Variants in IGSF21 observed in about 807,000 individuals in gnomAD.
IGSF21 encodes the protein immunoglobin superfamily member 21.
A neutral mutation model predicts 46.8 loss-of-function variants in IGSF21; 28 were observed. The observed-to-expected ratio is 0.60, with a 90% CI of 0.44 to 0.82. The LOEUF is 0.82. Ranked by LOEUF, IGSF21 falls within the 40% of genes least tolerant of loss-of-function variation. The pLI, the probability that IGSF21 is intolerant of heterozygous loss-of-function variation, is 0.00. For synonymous variants in IGSF21, 284 were observed against 273.6 expected, an observed-to-expected ratio of 1.04 and a Z score of -0.38; for missense variants, 624 against 665.5, an observed-to-expected ratio of 0.94 and a Z score of 0.69.
chr1:18,354,057 C>T (rs75269600), intron 4 of IGSF21, among the ~76,000 whole-genome samples: 3,347 of 152,348 alleles, frequency 0.022, 116 homozygotes, highest in African/African-American at 0.075. Context: ...GGGAGACAGA[C>T]GTTGACCCAG....
chr1:18,360,405 C>T (rs1226000977), intron 4 of IGSF21, among the ~76,000 whole-genome samples: 2 of 152,166 alleles, frequency 1.3e-5, no homozygotes, highest in Non-Finnish European at 2.9e-5. Flanking sequence ...TTCACTAGGC[C>T]TTGAAATAGA....
chr1:18,142,169 C>A (rs2086420866), intron 1 of IGSF21, among the ~76,000 whole-genome samples: 1 of 152,112 alleles, frequency 6.6e-6, no homozygotes, highest in African/African-American at 2.4e-5. Flanking sequence ...AGGTGAGAAA[C>A]AAGCACGTGC....
intron 4 of IGSF21, among the ~76,000 whole-genome samples, chr1:18,357,768 T>C (rs1485968363): frequency 6.6e-6 from 1 of 151,994 alleles, no homozygotes; most frequent in Non-Finnish European, 1.5e-5. Context: ...CTCAGAGCCC[T>C]CCACCAGGAG....
At chr1:18,282,905 A>T (rs1359818170) in intron 2 of IGSF21, among the ~76,000 whole-genome samples, 1 of 152,210 alleles carries the variant, frequency 6.6e-6, no homozygotes, top group East Asian at 1.9e-4. Flanking sequence ...ACACATGTAC[A>T]GCCTCGTAGG....
intron 1 of IGSF21, among the ~76,000 whole-genome samples, chr1:18,142,336 C>T (rs961129733): frequency 2.6e-5 from 4 of 152,278 alleles, no homozygotes; most frequent in South Asian, 4.1e-4. Flanking sequence ...CCAGAGTGGT[C>T]AATTAACTGG....
chr1:18,108,277 GGTCGCTCCGA>G lies in IGSF21; in HGVS notation c.70+81_70+90del, dbSNP rs1406733877. 38 of 1,275,140 alleles carry G rather than the reference GGTCGCTCCGA, an allele frequency of 3.0e-5. No individual in the cohort carries two copies. The East Asian group carries it at 1.2e-3, about 41-fold the overall frequency. The allele number at this position is 1,275,140 out of a possible 1,614,324, so 79.0% of individuals were successfully genotyped here. On this transcript the variant is annotated intron_variant, in intron 1 of 9. Coordinates refer to ENST00000251296, the MANE Select transcript of IGSF21 (RefSeq NM_032880.5). ...GGTGCCGGGGGAGGGCGCTGGCCGG[GGTCGCTCCGA>G]GAGGCTCGGGCTACGAGCACCGGTC...
intron 1 of IGSF21, among the ~76,000 whole-genome samples, chr1:18,209,285 A>G (rs1328868220): frequency 3.3e-5 from 5 of 152,172 alleles, no homozygotes; most frequent in Non-Finnish European, 7.4e-5. Context: ...TTAATAGATA[A>G]AAAGACTGAA....
intron 1 of IGSF21, among the ~76,000 whole-genome samples, chr1:18,155,776 C>T (rs1422319788): frequency 6.6e-6 from 1 of 152,222 alleles, no homozygotes; most frequent in Non-Finnish European, 1.5e-5. Context: ...GCCAGCACCC[C>T]ACTCTGTTGA....
intron 2 of IGSF21, among the ~76,000 whole-genome samples, chr1:18,291,242 C>T (rs969630897): frequency 1.1e-4 from 16 of 152,200 alleles, no homozygotes; most frequent in Admixed American, 7.9e-4. Flanking sequence ...CTCCCACTTC[C>T]GCATTCTTAG....
At chr1:18,233,312 G>C (rs542719659) in intron 2 of IGSF21, among the ~76,000 whole-genome samples, 3 of 152,142 alleles carry the variant, frequency 2.0e-5, no homozygotes, top group Admixed American at 1.3e-4. Context: ...CAGATGATGC[G>C]ACCTCGCCAG....
intron 1 of IGSF21, among the ~76,000 whole-genome samples, chr1:18,185,507 G>A (rs549051875): frequency 2.0e-5 from 3 of 152,288 alleles, no homozygotes; most frequent in South Asian, 4.1e-4. Context: ...GGCATTGCTC[G>A]GGCATTTAAG....
At chr1:18,342,587 A>G (rs2085854652) in intron 4 of IGSF21, among the ~76,000 whole-genome samples, 1 of 151,972 alleles carries the variant, frequency 6.6e-6, no homozygotes, top group African/African-American at 2.4e-5. Flanking sequence ...ACCACCCCAC[A>G]TTGTCCCTCT....
At chr1:18,182,474 C>T (rs962638982) in intron 1 of IGSF21, among the ~76,000 whole-genome samples, 6 of 152,126 alleles carry the variant, frequency 3.9e-5, no homozygotes, top group South Asian at 2.1e-4. Context: ...CCACTGCACC[C>T]GACCCCCAGA....
chr1:18,278,690 A>G (rs2085128730), intron 2 of IGSF21, among the ~76,000 whole-genome samples: 1 of 151,524 alleles, frequency 6.6e-6, no homozygotes, highest in South Asian at 2.1e-4. Context: ...AGTAGCTGGG[A>G]CTACAGGCAC....
chr1:18,235,269 A>G (rs1188340198), intron 2 of IGSF21, among the ~76,000 whole-genome samples: 4 of 152,248 alleles, frequency 2.6e-5, no homozygotes, highest in African/African-American at 9.6e-5. Context: ...CTCATCCAAC[A>G]TTAATTCAAC....
At chr1:18,149,565 G>A (rs1290695086) in intron 1 of IGSF21, among the ~76,000 whole-genome samples, 2 of 151,916 alleles carry the variant, frequency 1.3e-5, no homozygotes, top group African/African-American at 2.4e-5. Flanking sequence ...CCCCAGTACC[G>A]CTCAGCTAAA....
intron 1 of IGSF21, among the ~76,000 whole-genome samples, chr1:18,194,634 T>G (rs1323467102): frequency 6.6e-6 from 1 of 152,230 alleles, no homozygotes; most frequent in Non-Finnish European, 1.5e-5. Flanking sequence ...CCAGTCATAT[T>G]GGCTTTAGGG....
intron 6 of IGSF21, among the ~76,000 whole-genome samples, chr1:18,374,346 C>G (rs2086257943): frequency 6.6e-6 from 1 of 152,192 alleles, no homozygotes; most frequent in Non-Finnish European, 1.5e-5. Context: ...GCTCTTAGGA[C>G]TCGCTAAACA....
intron 2 of IGSF21, among the ~76,000 whole-genome samples, chr1:18,275,015 A>C (rs1022402606): frequency 4.0e-5 from 6 of 150,258 alleles, no homozygotes; most frequent in Non-Finnish European, 8.9e-5. Context: ...TGATAGAGTA[A>C]GACTCTGAAA....
Sources: allele counts gnomAD v4.1 joint callset (sites outside exome capture counted in the v4.1 genomes callset), GRCh38; gene constraint gnomAD v4.1.1; transcripts MANE v1.5; gene names NCBI Gene and HGNC (gene_info 2026-07-23, HGNC 2026-07-21).